The following PLCZ1 variants were observed in gnomAD, a reference collection of about 807,000 sequenced individuals.
PLCZ1 encodes the protein phospholipase C zeta 1, also known as 1-phosphatidylinositol 4,5-bisphosphate phosphodiesterase zeta-1.
PLCZ1 carries 64 observed loss-of-function variants against 76.8 expected under a neutral mutation model. The ratio of observed to expected loss-of-function variants is 0.83; its 90% CI spans 0.68 to 1.03. The LOEUF (loss-of-function observed/expected upper bound fraction) is 1.03, where lower values mean the gene tolerates loss of function less well. PLCZ1 is among the 50% of genes least tolerant of loss of function. The pLI is 0.00. For missense variants in PLCZ1, 751 were observed against 713.7 expected (o/e 1.05, Z -0.60); for synonymous variants, 248 against 230.8 (o/e 1.07, Z -0.68).
intron 5 of PLCZ1, 129 bp downstream of exon 5, chr12:18,719,302 C>G (rs1565727331): frequency 8.3e-6 from 4 of 483,954 alleles, no homozygotes; most frequent in Non-Finnish European, 1.0e-5. Flanking sequence ...GTAAAAATTT[C>G]TATTCCCTAT....
At chr12:18,712,812 A>C (rs1289446235) in intron 6 of PLCZ1, 30 bp downstream of exon 6, 1 of 1,608,496 alleles carries the variant, frequency 6.2e-7, no homozygotes, top group African/African-American at 1.3e-5. Flanking sequence ...CTGTTTAAAT[A>C]GCTACAGTTG....
intron 3 of PLCZ1, 93 bp from the exon 4 acceptor site, chr12:18,723,635 A>T: frequency 1.0e-6 from 1 of 977,814 alleles, no homozygotes; most frequent in Non-Finnish European, 1.6e-6. Context: ...AGTAATTTAT[A>T]CTTGAAAGAA....
intron 10 of PLCZ1, among the ~76,000 whole-genome samples, chr12:18,697,958 A>G (rs1171151245): frequency 6.6e-6 from 1 of 152,012 alleles, no homozygotes; most frequent in Admixed American, 6.6e-5. Flanking sequence ...GACTCTACTC[A>G]GAACTATCTA....
chr12:18,688,044 A>T (rs777773611), intron 13 of PLCZ1, 45 bp downstream of exon 13: 29 of 1,601,270 alleles, frequency 1.8e-5, no homozygotes, highest in Non-Finnish European at 2.4e-5. Flanking sequence ...AAGCTTTCCA[A>T]CAAGAAGTCT....
intron 6 of PLCZ1, among the ~76,000 whole-genome samples, chr12:18,710,267 T>G (rs1458518006): frequency 6.6e-6 from 1 of 151,012 alleles, no homozygotes; most frequent in Non-Finnish European, 1.5e-5. Flanking sequence ...CACTATTTTT[T>G]TTAATTCATT....
At chr12:18,668,640 A>G in the PLCZ1 span, among the ~76,000 whole-genome samples, 1 of 152,036 alleles carries the variant, frequency 6.6e-6, no homozygotes, top group Admixed American at 6.6e-5. Context: ...TCATAGCACA[A>G]CTCATCTCCC....
intron 6 of PLCZ1, 148 bp downstream of exon 6, chr12:18,712,694 A>G: frequency 1.0e-6 from 1 of 966,488 alleles, no homozygotes; most frequent in Admixed American, 2.1e-5. Context: ...AACTATATAC[A>G]ACATGGATTT....
intron 5 of PLCZ1, among the ~76,000 whole-genome samples, chr12:18,718,908 A>C (rs1028094043): frequency 6.6e-6 from 1 of 152,198 alleles, no homozygotes; most frequent in African/African-American, 2.4e-5. Context: ...TGTTAGGTAT[A>C]AAATCAGCAA....
At chr12:18,657,118 AC>A in the PLCZ1 span, among the ~76,000 whole-genome samples, 1 of 152,162 alleles carries the variant, frequency 6.6e-6, no homozygotes, top group Non-Finnish European at 1.5e-5. Flanking sequence ...TCAAATCTCT[AC>A]CAGTGCTGAG....
the PLCZ1 span, among the ~76,000 whole-genome samples, chr12:18,670,097 T>A: frequency 6.6e-6 from 1 of 152,072 alleles, no homozygotes; most frequent in Non-Finnish European, 1.5e-5. Flanking sequence ...GGCTTCAAAA[T>A]ATGAATTTGG....
downstream of PLCZ1, among the ~76,000 whole-genome samples, chr12:18,682,784 C>T (rs1278949361): frequency 6.6e-6 from 1 of 151,974 alleles, no homozygotes; most frequent in East Asian, 1.9e-4. Flanking sequence ...TAATTACTCT[C>T]CAGGATATGA....
downstream of PLCZ1, among the ~76,000 whole-genome samples, chr12:18,681,157 G>A (rs1952372716): frequency 6.6e-6 from 1 of 151,984 alleles, no homozygotes; most frequent in Non-Finnish European, 1.5e-5. Context: ...CAGTTTAGCT[G>A]TGAGCTCCAC....
chr12:18,712,953 A>AATCT lies in PLCZ1; in HGVS notation c.599_602dup (p.Cys203Ter). On this transcript the variant is annotated frameshift_variant, in exon 6 of 15. Transcript: ENST00000266505. LOFTEE classifies it high-confidence loss of function. ...CATTTTGTGCTCCATCCCAGCAGTC[A>AATCT]ATCTCCAAACAACGGCATCCTTTCA... 6.2e-7 allele frequency: 1 copy of AATCT among 1,614,024 alleles called. No homozygotes were observed. Among genetic ancestry groups the AATCT allele is most frequent in the Non-Finnish European group, 8.5e-7 (1 of 1,179,890 alleles).
intron 6 of PLCZ1, among the ~76,000 whole-genome samples, chr12:18,706,165 G>A (rs1459860304): frequency 2.6e-5 from 4 of 151,814 alleles, no homozygotes; most frequent in Non-Finnish European, 5.9e-5. Flanking sequence ...CCGGGAGGTG[G>A]AGGTTGCAGT....
intron 1 of PLCZ1, 79 bp downstream of exon 1, chr12:18,737,853 T>C (rs7133682): frequency 0.072 from 19,944 of 277,028 alleles, 966 homozygotes; most frequent in Middle Eastern, 0.098. Flanking sequence ...ATTCCTGAAG[T>C]TGCAAAGTGC....
chr12:18,660,543 G>A, the PLCZ1 span, among the ~76,000 whole-genome samples: 1 of 152,010 alleles, frequency 6.6e-6, no homozygotes, highest in Non-Finnish European at 1.5e-5. Flanking sequence ...CATATATAGA[G>A]GAAATTAGAA....
chr12:18,699,437 C>T (rs1955582487), intron 10 of PLCZ1, among the ~76,000 whole-genome samples: 1 of 152,126 alleles, frequency 6.6e-6, no homozygotes, highest in Admixed American at 6.6e-5. Flanking sequence ...TTCTCCTGCG[C>T]ACCTTCGCTT....
At chr12:18,679,506 G>A (rs1050406715), downstream of PLCZ1, among the ~76,000 whole-genome samples, 1 of 151,724 alleles carries the variant, frequency 6.6e-6, no homozygotes, top group Non-Finnish European at 1.5e-5. Flanking sequence ...TTTTCCAGAT[G>A]GCCCTAGATT....
Position 18,699,798 on chromosome 12 carries a change from C to T in PLCZ1, c.1170G>A (p.Leu390=), listed in dbSNP as rs372252923. The T allele has an allele frequency of 3.1e-6, 5 of 1,613,066 alleles. No individual in the cohort carries two copies. Among genetic ancestry groups the T allele is most frequent in the East Asian group, 2.2e-5 (1 of 44,768 alleles). The change falls in exon 10 of 15, where the codon TTG becomes TTA. Residue 390 remains leucine, a synonymous_variant. Coordinates refer to ENST00000266505, the MANE Select transcript of PLCZ1 (RefSeq NM_033123.4). ...ATTTGAGTCACAAAAATTTACCTCG[C>T]AATTTTGAAAGTTTTCGGGCTTGTG... The part of the protein sequence containing the change: ...GETQARKLSK[L]RVHEFIFHTR...
Sources: allele counts gnomAD v4.1 joint callset (sites outside exome capture counted in the v4.1 genomes callset), GRCh38; gene constraint gnomAD v4.1.1; transcripts MANE v1.5; gene names NCBI Gene and HGNC (gene_info 2026-07-23, HGNC 2026-07-21).